EFCAB6: variants seen among roughly 807,000 people sequenced by gnomAD.
The protein encoded by EFCAB6 is EF-hand calcium-binding domain-containing protein 6.
EFCAB6 carries 156 observed loss-of-function variants against 169.8 expected under a neutral mutation model. That is an observed-to-expected ratio of 0.92 (90% CI 0.81 to 1.05). The LOEUF is 1.05. EFCAB6 is among the 50% of genes least tolerant of loss of function. The probability of loss-of-function intolerance (pLI) is 0.00; values close to 1 mark genes in which losing one functional copy is unlikely to be tolerated. For missense variants in EFCAB6, 1,800 were observed against 1,829.1 expected, an observed-to-expected ratio of 0.98 and a Z score of 0.29; for synonymous variants, 698 against 676.4, an observed-to-expected ratio of 1.03 and a Z score of -0.50.
In EFCAB6 at chr22:43,795,717, TCTACC is replaced by T. The variant is rs1289076592; in HGVS notation, c.-8+13273_-8+13277del. On this transcript the variant is annotated intron_variant, in intron 2 of 31. Coordinates refer to ENST00000262726, the MANE Select transcript of EFCAB6 (RefSeq NM_022785.4). The surrounding 1 kb of genome is among the most constrained non-coding windows in gnomAD (Gnocchi z 4.2). Reference sequence around the variant, plus strand: ...AAATAAAAGGGTGTGTTTACACCACTCTACCCCCAGCCCCGAAGTACTCAGCACGT... The same window carrying T: ...AAATAAAAGGGTGTGTTTACACCACTCCCAGCCCCGAAGTACTCAGCACGT... Among the ~76,000 whole-genome samples, 1 of 152,090 alleles carries T rather than the reference TCTACC, an allele frequency of 6.6e-6. No homozygotes were observed. Among genetic ancestry groups the T allele is most frequent in the African/African-American group, 2.4e-5 (1 of 41,394 alleles).
intron 6 of EFCAB6, among the ~76,000 whole-genome samples, chr22:43,747,320 C>T (rs1046135070): frequency 6.6e-6 from 1 of 152,236 alleles, no homozygotes; most frequent in East Asian, 1.9e-4. Flanking sequence ...GATTTCTATA[C>T]AGCAGCCTCC....
chr22:43,707,792 T>C (rs1381024767), intron 10 of EFCAB6, among the ~76,000 whole-genome samples: 2 of 152,120 alleles, frequency 1.3e-5, no homozygotes, highest in Admixed American at 1.3e-4. Flanking sequence ...GAGAGAGGTT[T>C]CTGAGGCAGT....
At chr22:43,762,321 C>G (rs1043124955) in intron 5 of EFCAB6, among the ~76,000 whole-genome samples, 2 of 152,254 alleles carry the variant, frequency 1.3e-5, no homozygotes, top group Middle Eastern at 3.4e-3. Flanking sequence ...CTTGGGAAGG[C>G]CTTCTAGGCT....
intron 27 of EFCAB6, among the ~76,000 whole-genome samples, chr22:43,544,816 T>A (rs146479906): frequency 6.6e-6 from 1 of 152,094 alleles, no homozygotes; most frequent in African/African-American, 2.4e-5. Context: ...AGTCTCCAGA[T>A]AAATCAGATA....
intron 2 of EFCAB6, among the ~76,000 whole-genome samples, chr22:43,796,781 A>G (rs1334785510): frequency 1.3e-5 from 2 of 152,192 alleles, no homozygotes; most frequent in Non-Finnish European, 2.9e-5. Flanking sequence ...GCAAAGTTGC[A>G]TGTTTTCCCA....
chr22:43,724,138 C>A (rs2059635665), intron 8 of EFCAB6, among the ~76,000 whole-genome samples: 1 of 152,196 alleles, frequency 6.6e-6, no homozygotes, highest in Admixed American at 6.5e-5. Flanking sequence ...AGTAACCATG[C>A]AGCACCTTGA....
In EFCAB6 at chr22:43,533,103, A is replaced by G. The variant is rs1004653315; in HGVS notation, c.4233+1585T>C. Reference sequence around the variant, plus strand: ...CTGTAAGTGGCTGAGAACCAAAGGTAAAAATCTGGAAGAACTGTGTACCCT... The same window carrying G: ...CTGTAAGTGGCTGAGAACCAAAGGTGAAAATCTGGAAGAACTGTGTACCCT... On this transcript the variant is annotated intron_variant, in intron 30 of 31. Transcript: ENST00000262726. Among the ~76,000 whole-genome samples the G allele has an allele frequency of 2.0e-5, 3 of 152,378 alleles. No homozygotes were observed. The South Asian group carries it at 6.2e-4, about 32-fold the overall frequency.
intron 19 of EFCAB6, among the ~76,000 whole-genome samples, chr22:43,630,462 G>A (rs2054857492): frequency 6.6e-6 from 1 of 152,262 alleles, no homozygotes; most frequent in Non-Finnish European, 1.5e-5. Flanking sequence ...AGATAGGAAA[G>A]CAACGATGTA....
At chr22:43,797,798 T>C (rs1294911868) in intron 2 of EFCAB6, among the ~76,000 whole-genome samples, 7 of 152,152 alleles carry the variant, frequency 4.6e-5, no homozygotes, top group Non-Finnish European at 1.0e-4. Flanking sequence ...GCACAGGCCC[T>C]CCCCTGCTTC....
chr22:43,703,321 C>T (rs1002284755), intron 10 of EFCAB6, among the ~76,000 whole-genome samples: 2 of 152,184 alleles, frequency 1.3e-5, no homozygotes, highest in African/African-American at 2.4e-5. Context: ...TACCAGCTGT[C>T]CCATACAGAA....
intron 24 of EFCAB6, among the ~76,000 whole-genome samples, chr22:43,585,708 A>C (rs1362276033): frequency 2.0e-5 from 3 of 152,190 alleles, no homozygotes; most frequent in Non-Finnish European, 4.4e-5. Flanking sequence ...TAAACATACT[A>C]TATTCAAACT....
At chr22:43,594,275 C>CAAAAA (rs750560174) in intron 23 of EFCAB6, among the ~76,000 whole-genome samples, 1,006 of 79,418 alleles carry the variant, frequency 0.013, no homozygotes, top group Middle Eastern at 0.021. Flanking sequence ...AACTCTGTTT[C>CAAAAA]AAAAAAAAAA....
intron 6 of EFCAB6, among the ~76,000 whole-genome samples, chr22:43,737,097 C>A (rs2060168620): frequency 6.6e-6 from 1 of 152,130 alleles, no homozygotes; most frequent in South Asian, 2.1e-4. Flanking sequence ...TTGGTGAGAC[C>A]CTAACCTGGG....
chr22:43,675,451 AAT>A (rs1368533144), intron 13 of EFCAB6, among the ~76,000 whole-genome samples: 1 of 94,856 alleles, frequency 1.1e-5, no homozygotes, highest in Non-Finnish European at 2.0e-5. Flanking sequence ...AATATAGTAT[AAT>A]ATATGATATA....
chr22:43,537,242 C>T lies in EFCAB6; in HGVS notation c.4048+135G>A. ...TTTGTATAGTAAGCTGCACAGCCCA[C>T]CCAGAAGTTCCCACCAGTTTCCTGT... On this transcript the variant is annotated intron_variant, in intron 29 of 31. Coordinates refer to ENST00000262726, the MANE Select transcript of EFCAB6 (RefSeq NM_022785.4). This position sits in a 1 kb window ranked among gnomAD's most constrained non-coding sequence, Gnocchi z 4.3. The T allele has an allele frequency of 8.7e-7, 1 of 1,144,292 alleles. No individual in the cohort carries two copies. Among genetic ancestry groups the T allele is most frequent in the Non-Finnish European group, 1.2e-6 (1 of 800,336 alleles). The allele number at this position is 1,144,292 out of a possible 1,614,324, so 70.9% of individuals were successfully genotyped here. A position where few individuals can be genotyped will look rare whatever the true frequency, so the allele number is the denominator to read the frequency against.
chr22:43,538,445 G>A (rs2047513512), intron 28 of EFCAB6, among the ~76,000 whole-genome samples: 1 of 152,148 alleles, frequency 6.6e-6, no homozygotes, highest in Non-Finnish European at 1.5e-5. Context: ...CTGGAGTGCA[G>A]TGGTGCAATC....
intron 11 of EFCAB6, among the ~76,000 whole-genome samples, chr22:43,686,202 A>G (rs2058189107): frequency 6.6e-6 from 1 of 151,764 alleles, no homozygotes; most frequent in African/African-American, 2.4e-5. Context: ...CTGGTCTCGA[A>G]CTCCTGACCT....
At chr22:43,799,329 C>CACACA (rs1491415655) in intron 2 of EFCAB6, among the ~76,000 whole-genome samples, 1 of 146,548 alleles carries the variant, frequency 6.8e-6, no homozygotes, top group African/African-American at 2.5e-5. Context: ...GAATCTGTCT[C>CACACA]CACACACACA....
intron 17 of EFCAB6, among the ~76,000 whole-genome samples, chr22:43,661,244 G>T (rs1352840497): frequency 1.3e-5 from 2 of 152,042 alleles, no homozygotes; most frequent in African/African-American, 4.8e-5. Context: ...CAGGCCTGGT[G>T]GCATGGACCT....
Sources: allele counts gnomAD v4.1 joint callset (sites outside exome capture counted in the v4.1 genomes callset), GRCh38; gene constraint gnomAD v4.1.1; non-coding constraint Gnocchi (gnomAD v3.1); transcripts MANE v1.5; gene names NCBI Gene and HGNC (gene_info 2026-07-23, HGNC 2026-07-21).